Variants in MYRF observed in about 807,000 individuals in gnomAD.
The protein encoded by MYRF is myelin regulatory factor.
Under a neutral mutation model 126.3 loss-of-function variants are expected in MYRF, and 16 were observed. The observed-to-expected ratio is 0.13, with a 90% CI of 0.09 to 0.19. MYRF has a LOEUF of 0.19. Ranked by LOEUF, MYRF falls within the 10% of genes least tolerant of loss-of-function variation. MYRF has a pLI of 1.00. For synonymous variants in MYRF, 608 were observed against 635.3 expected (o/e 0.96, Z 0.65); for missense variants, 1,104 against 1,547.0 (o/e 0.71, Z 4.80).
chr11:61,765,978 C>T lies in MYRF; in HGVS notation c.155C>T (p.Ala52Val), dbSNP rs1329857057. 3.2e-6 allele frequency: 5 copies of T among 1,543,880 alleles called. No homozygotes were observed. Among genetic ancestry groups the T allele is most frequent in the Non-Finnish European group, 4.4e-6 (5 of 1,147,358 alleles). Reference protein sequence around the residue: ...ASDLCFPDISAPASSASYSHG... With the variant: ...ASDLCFPDISVPASSASYSHG... ...CGCAGCTGCTTCCCTGACATCTCTG[C>T]TCCAGCCAGCTCGGCCTCCTACTCC... Residue 52 changes from alanine to valine, a missense_variant, in exon 3 of 27, where the codon GCT becomes GTT. Ala to Val is a moderately conservative substitution (Grantham distance 64). Transcript: ENST00000278836.
chr11:61,780,150 C>A, intron 17 of MYRF, 72 bp from the exon 18 acceptor site: 1 of 1,539,486 alleles, frequency 6.5e-7, no homozygotes, highest in Non-Finnish European at 8.9e-7. Context: ...GCAAGGACCA[C>A]AGCCTTGTCC....
At chr11:61,784,155 C>T (rs540276829) in intron 24 of MYRF, 125 bp from the exon 25 acceptor site, 2 of 1,033,032 alleles carry the variant, frequency 1.9e-6, no homozygotes, top group Admixed American at 2.2e-5. Flanking sequence ...GTTCGAGGGC[C>T]CTGGTTATTA....
Position 61,776,627 on chromosome 11 carries a change from GCTT to G in MYRF, c.1500-156_1500-154del, listed in dbSNP as rs2066391501. ...GCTTCTGGGTTGAGAAACAGCCCTG[GCTT>G]CTTGCTGTGGGCCCTGGGGAATTTC... On this transcript the variant is annotated intron_variant, in intron 10 of 26. Transcript: ENST00000278836. The surrounding 1 kb of genome is among the most constrained non-coding windows in gnomAD (Gnocchi z 4.3). Among the ~76,000 whole-genome samples the G allele has an allele frequency of 6.6e-6, 1 of 152,088 alleles. No individual in the cohort carries two copies. The highest frequency in any genetic ancestry group is 2.1e-4 in the South Asian group (1 of 4,826).
rs562983654 is a variant in MYRF at position 61,783,370 on chromosome 11, G to T, written c.3017-128G>T. ...GTAGTGTGATGCTGGCCATTGTGGA[G>T]GTCTGGAAAAAAATAACCTGGAACT... On this transcript the variant is annotated intron_variant, in intron 22 of 26. Coordinates refer to ENST00000278836, the MANE Select transcript of MYRF (RefSeq NM_001127392.3). The surrounding 1 kb of genome is among the most constrained non-coding windows in gnomAD (Gnocchi z 4.6). 1.2e-5 allele frequency: 9 copies of T among 729,876 alleles called. No individual in the cohort carries two copies. The highest frequency in any genetic ancestry group is 2.2e-5 in the Non-Finnish European group (9 of 413,830). The allele number at this position is 729,876 out of a possible 1,614,324, so 45.2% of individuals were successfully genotyped here.
At position 61,765,626 on chromosome 11, in the gene MYRF, C is replaced by T. The variant is rs1017654791; in HGVS notation, c.48C>T (p.Gly16=). ...TAGCCCATCTCTCCTGCCCTGCAGG[C>T]CACGACATCAACGGTGCCCTGGAGC... ...ETEALQRFFE[G]HDINGALEPS... is the part of the protein sequence containing the mutation. The change falls in exon 2 of 27, where the codon GGC becomes GGT. Residue 16 remains glycine (G), a splice_region_variant and synonymous_variant. Coordinates refer to ENST00000278836, the MANE Select transcript of MYRF (RefSeq NM_001127392.3). The T allele has an allele frequency of 2.5e-6, 4 of 1,611,902 alleles. No individual in the cohort carries two copies. The highest frequency in any genetic ancestry group is 2.7e-5 in the African/African-American group (2 of 74,844).
rs753190662 is a variant in MYRF at position 61,773,943 on chromosome 11, G to A, written c.1116-24G>A. On this transcript the variant is annotated intron_variant, in intron 7 of 26. Transcript: ENST00000278836. ...CAGGCCCGGCTCTGGGGCCTCAGGG[G>A]AGTGCCCTCACCCGCCCCCCCAGGC... 4 of 1,589,076 alleles carry A rather than the reference G, an allele frequency of 2.5e-6. No individual in the cohort carries two copies. In the South Asian group the frequency reaches 3.3e-5, roughly 13 times the overall value.
chr11:61,777,325 C>G lies in MYRF; in HGVS notation c.1652C>G (p.Pro551Arg). 1 of 1,613,422 alleles carries G rather than the reference C, an allele frequency of 6.2e-7. No homozygotes were observed. The highest frequency in any genetic ancestry group is 8.5e-7 in the Non-Finnish European group (1 of 1,180,034). Residue 551 changes from proline to arginine, a missense_variant, in exon 12 of 27, where the codon CCC (proline) becomes CGC (arginine). Pro to Arg is a moderately radical substitution (Grantham distance 103, BLOSUM62 -2). Transcript: ENST00000278836. The surrounding 1 kb of genome is among the most constrained non-coding windows in gnomAD (Gnocchi z 8.8). ...GTGTTGTGGCAGCGGGCACAGGTGC[C>G]CGACACCGTCTTCCACCACGGCCGC... is the stretch of plus-strand genomic sequence containing the variant. ...SDVLWQRAQV[P>R]DTVFHHGRVG...
chr11:61,758,833 G>A (rs191410889), intron 1 of MYRF, among the ~76,000 whole-genome samples: 5 of 152,350 alleles, frequency 3.3e-5, no homozygotes, highest in Admixed American at 3.3e-4. Flanking sequence ...CCAAAGCTGG[G>A]CACTATGCTT....
rs376569570 is a variant in MYRF at position 61,765,954 on chromosome 11, G to A, written c.135-4G>A. 149 of 1,497,398 alleles carry A rather than the reference G, an allele frequency of 1.0e-4. No homozygotes were observed. The highest frequency in any genetic ancestry group is 2.1e-4 in the East Asian group (9 of 42,348). The allele number at this position is 1,497,398 out of a possible 1,614,324, so 92.8% of individuals were successfully genotyped here. A position where few individuals can be genotyped will look rare whatever the true frequency, so the allele number is the denominator to read the frequency against. ...TGGAGCTGAGCCGCCCCCCTTCCCC[G>A]CAGCTGCTTCCCTGACATCTCTGCT... On this transcript the variant is annotated splice_region_variant and splice_polypyrimidine_tract_variant and intron_variant, in intron 2 of 26. Coordinates refer to ENST00000278836, the MANE Select transcript of MYRF (RefSeq NM_001127392.3).
intron 1 of MYRF, among the ~76,000 whole-genome samples, chr11:61,763,875 G>C (rs762084716): frequency 6.6e-6 from 1 of 151,822 alleles, no homozygotes. Flanking sequence ...AAAAAAAAAA[G>C]AAATAAAGTA....
At chr11:61,772,212 T>C (rs1319159009) in intron 7 of MYRF, among the ~76,000 whole-genome samples, 2 of 152,124 alleles carry the variant, frequency 1.3e-5, no homozygotes, top group Non-Finnish European at 2.9e-5. Context: ...TGGGTGTTTT[T>C]TCCCCCGGTT....
chr11:61,755,386 G>T (rs373384599), intron 1 of MYRF: 1 of 1,600,202 alleles, frequency 6.2e-7, no homozygotes, highest in African/African-American at 1.3e-5. Context: ...CCAGATCGGC[G>T]GGCACAGGGC....
chr11:61,784,412 C>T lies in MYRF; in HGVS notation c.3300+27C>T, dbSNP rs763685044. On this transcript the variant is annotated intron_variant, in intron 25 of 26. Coordinates refer to ENST00000278836, the MANE Select transcript of MYRF (RefSeq NM_001127392.3). ...TAGGTGGGACTGGGAAGCTGCGGGC[C>T]GGCCAGGCCCGAGCTGCTTCTCTCC... 7.6e-6 allele frequency: 12 copies of T among 1,585,224 alleles called. No homozygotes were observed. In the Admixed American group the frequency reaches 1.4e-4, roughly 18 times the overall value.
At position 61,776,057 on chromosome 11, in the gene MYRF, T is replaced by G. The variant is rs780092803; in HGVS notation, c.1313T>G (p.Leu438Arg). ...CFYLKLHGVKLEALNQSINIE... is the reference protein window; with the variant it reads ...CFYLKLHGVKREALNQSINIE... ...TGCCACTGGCTTCACTCCCCACAGC[T>G]GGAGGCCCTGAACCAGTCCATTAAC... Residue 438 changes from leucine (L) to arginine (R), a missense_variant and splice_region_variant, in exon 9 of 27, where the codon CTG (leucine) becomes CGG (arginine). By Grantham distance (102) the Leu-to-Arg change is moderately radical. This residue lies in a region of MYRF where 36 missense variants were observed against 47.5 expected (regional missense o/e 0.76). Transcript: ENST00000278836. This position sits in a 1 kb window ranked among gnomAD's most constrained non-coding sequence, Gnocchi z 4.3. 4 of 1,613,914 alleles carry G rather than the reference T, an allele frequency of 2.5e-6. No homozygotes were observed. The South Asian group carries it at 4.4e-5, about 18-fold the overall frequency.
At chr11:61,754,376 C>T (rs763759004) in intron 1 of MYRF, 19 of 152,456 alleles carry the variant, frequency 1.2e-4, no homozygotes, top group African/African-American at 2.9e-4. Context: ...GCATCTGTCC[C>T]GGGGCTCTGG....
rs752517923 is a variant in MYRF, at chr11:61,776,291, GC to G, written c.1389-26del. ...CGTGGCTCTTGCAGCCTCCCTCCCT[GC>G]CCCCTGAGCACCCTGCCTCTCCTCT... On this transcript the variant is annotated intron_variant, in intron 9 of 26. Coordinates refer to ENST00000278836, the MANE Select transcript of MYRF (RefSeq NM_001127392.3). This position sits in a 1 kb window ranked among gnomAD's most constrained non-coding sequence, Gnocchi z 4.3. 1 of 1,595,714 alleles carries G rather than the reference GC, an allele frequency of 6.3e-7. No individual in the cohort carries two copies.
Position 61,767,555 on chromosome 11 carries a change from G to A in MYRF, c.398+1334G>A, listed in dbSNP as rs1332651635. 3 of 401,406 alleles carry A rather than the reference G, an allele frequency of 7.5e-6. No homozygotes were observed. In the East Asian group the frequency reaches 2.2e-4, roughly 29 times the overall value. 24.9% of individuals were successfully genotyped at this position (401,406 alleles called of 1,614,324 possible). A position where few individuals can be genotyped will look rare whatever the true frequency, so the allele number is the denominator to read the frequency against. Reference sequence around the variant, plus strand: ...CAAGACAGACATGAGGCTGGGTGTGGTGGCACACACCTGTAATCCCAGCAC... The same window carrying A: ...CAAGACAGACATGAGGCTGGGTGTGATGGCACACACCTGTAATCCCAGCAC... On this transcript the variant is annotated intron_variant, in intron 3 of 26. Coordinates refer to ENST00000278836, the MANE Select transcript of MYRF (RefSeq NM_001127392.3).
chr11:61,755,801 C>T lies in MYRF; in HGVS notation c.46+3011C>T, dbSNP rs562787675. On this transcript the variant is annotated intron_variant, in intron 1 of 26. Transcript: ENST00000278836. ...TGAGGCTCGAGTGAGCAACCAGTGT[C>T]CCCCAGAAAGCAGGTGGGTGTGCAG... 2.3e-5 allele frequency: 12 copies of T among 514,058 alleles called. No individual in the cohort carries two copies. In the African/African-American group the frequency reaches 2.3e-4, roughly 10 times the overall value. 31.8% of individuals were successfully genotyped at this position (514,058 alleles called of 1,614,324 possible).
At chr11:61,784,138 A>G (rs1431738284) in intron 24 of MYRF, 142 bp from the exon 25 acceptor site, 25 of 981,018 alleles carry the variant, frequency 2.5e-5, no homozygotes, top group Non-Finnish European at 3.6e-5. Context: ...TCGATGGGAA[A>G]GGTTTTGTTC....
Sources: gnomAD v4.1 joint callset for allele counts (sites outside exome capture counted in the v4.1 genomes callset) on GRCh38, gnomAD v4.1.1 for gene constraint, gnomAD v4.1.1 regional missense constraint, Gnocchi (gnomAD v3.1) non-coding constraint, MANE v1.5 for transcripts, NCBI Gene and HGNC (gene_info 2026-07-23, HGNC 2026-07-21) for gene names.